TOP2A: variants seen among roughly 807,000 people sequenced by gnomAD.
TOP2A encodes the protein DNA topoisomerase 2-alpha.
TOP2A carries 68 observed loss-of-function variants against 187.2 expected under a neutral mutation model. That is an observed-to-expected ratio of 0.36 (90% CI 0.30 to 0.44). The LOEUF is 0.44. Ranked by LOEUF, TOP2A falls within the 20% of genes least tolerant of loss-of-function variation. The pLI is 1.00. For missense variants in TOP2A, 1,196 were observed against 1,808.7 expected (o/e 0.66, Z 6.14); for synonymous variants, 542 against 593.2 (o/e 0.91, Z 1.25).
At chr17:40,389,761 A>G (rs2034999762) in intron 34 of TOP2A, 114 bp from the exon 35 acceptor site, 1 of 1,392,624 alleles carries the variant, frequency 7.2e-7, no homozygotes, top group South Asian at 1.5e-5. Flanking sequence ...TCTACCAAGT[A>G]ATAAGAAGCA....
At chr17:40,393,334 G>GA (rs534582249) in intron 29 of TOP2A, among the ~76,000 whole-genome samples, 28 of 148,590 alleles carry the variant, frequency 1.9e-4, no homozygotes, top group Admixed American at 6.0e-4. Flanking sequence ...CTCAAAAAAA[G>GA]AAAAAAAAAG....
intron 20 of TOP2A, 106 bp downstream of exon 20, chr17:40,402,800 G>A (rs2035197707): frequency 3.2e-6 from 4 of 1,247,478 alleles, no homozygotes; most frequent in Non-Finnish European, 4.5e-6. Context: ...GCCACTAGAT[G>A]CCAGTATCTT....
In TOP2A at chr17:40,390,070, C is replaced by T. The variant is rs760115290; in HGVS notation, c.4362G>A (p.Lys1454=). 4.3e-6 allele frequency: 7 copies of T among 1,613,880 alleles called. No individual in the cohort carries two copies. Among genetic ancestry groups the T allele is most frequent in the Non-Finnish European group, 5.1e-6 (6 of 1,179,854 alleles). ...DPALNSGVSQ[K]PDPAKTKNRR... ...GATTCTTGGTTTTGGCAGGATCAGGCTTTTGAGAGACACCAGAATTCAAAG... is the reference window on the plus strand; with the variant it reads ...GATTCTTGGTTTTGGCAGGATCAGGTTTTTGAGAGACACCAGAATTCAAAG... Residue 1454 remains lysine, a synonymous_variant, in exon 34 of 35, where the codon AAG becomes AAA. Transcript: ENST00000423485.
chr17:40,396,529 C>T (rs2035102895), intron 27 of TOP2A, 64 bp from the exon 28 acceptor site: 2 of 1,557,924 alleles, frequency 1.3e-6, no homozygotes, highest in African/African-American at 2.7e-5. Context: ...ATCTAAACAC[C>T]CAACAGTTAA....
chr17:40,409,604 C>A (rs1327145398), intron 10 of TOP2A: 3 of 333,166 alleles, frequency 9.0e-6, no homozygotes, highest in Admixed American at 8.0e-5. Context: ...ATTAAAAATA[C>A]AAAAATTAGC....
intron 12 of TOP2A, 81 bp downstream of exon 12, chr17:40,407,886 C>G: frequency 7.2e-7 from 1 of 1,398,544 alleles, no homozygotes; most frequent in South Asian, 1.4e-5. Context: ...TTTTAAAATG[C>G]CTAATGAGGG....
Position 40,392,326 on chromosome 17 carries a change from G to A in TOP2A, c.3980C>T (p.Thr1327Ile). The A allele has an allele frequency of 6.3e-7, 1 of 1,589,906 alleles. No homozygotes were observed. The highest frequency in any genetic ancestry group is 1.1e-5 in the South Asian group (1 of 87,962). Residue 1327 changes from threonine to isoleucine, a missense_variant, in exon 31 of 35, where the codon ACA becomes ATA. By Grantham distance (89) the Thr-to-Ile change is moderately conservative (BLOSUM62 -1). Coordinates refer to ENST00000423485, the MANE Select transcript of TOP2A (RefSeq NM_001067.4). ...PRRAATKTKFTMDLDSDEDFS... is the reference protein window; with the variant it reads ...PRRAATKTKFIMDLDSDEDFS... ...ATCTTCATCTGAATCCAAATCCATT[G>A]TGAATTTTGTTTTTGCTAGTAAAAA...
In TOP2A at chr17:40,417,889, C is replaced by T. The variant is rs2035413426; in HGVS notation, c.-98G>A. 1.9e-6 allele frequency: 3 copies of T among 1,546,074 alleles called. No homozygotes were observed. The highest frequency in any genetic ancestry group is 1.4e-5 in the African/African-American group (1 of 73,552). Reference sequence around the variant, plus strand: ...ACCAAGCCGCTTCTCCACAGACGCGCGTCGGTTAGGAGAGCTCCACTTGAA... The same window carrying T: ...ACCAAGCCGCTTCTCCACAGACGCGTGTCGGTTAGGAGAGCTCCACTTGAA... On this transcript the variant is annotated 5_prime_UTR_variant, in exon 1 of 35. Transcript: ENST00000423485.
Position 40,395,387 on chromosome 17 carries a change from A to G in TOP2A, c.3811+62T>C, listed in dbSNP as rs1345289674. On this transcript the variant is annotated intron_variant, in intron 29 of 34. Coordinates refer to ENST00000423485, the MANE Select transcript of TOP2A (RefSeq NM_001067.4). The stretch of plus-strand genomic sequence containing the variant: ...GGTTTTGAACATCTATGTGGAATGT[A>G]CTAGGTAACAAACACAATTTAATCT... 12 of 1,068,786 alleles carry G rather than the reference A, an allele frequency of 1.1e-5. No individual in the cohort carries two copies. In the East Asian group the frequency reaches 3.1e-4, roughly 27 times the overall value. 66.2% of individuals were successfully genotyped at this position (1,068,786 alleles called of 1,614,324 possible). A position where few individuals can be genotyped will look rare whatever the true frequency, so the allele number is the denominator to read the frequency against.
chr17:40,396,943 C>T (rs1166626072), intron 27 of TOP2A, among the ~76,000 whole-genome samples: 1 of 148,346 alleles, frequency 6.7e-6, no homozygotes, highest in Non-Finnish European at 1.5e-5. Context: ...TACAATGGTA[C>T]ATGATCATAG....
chr17:40,413,704 T>C, intron 4 of TOP2A, 79 bp from the exon 5 acceptor site: 1 of 748,130 alleles, frequency 1.3e-6, no homozygotes, highest in Non-Finnish European at 2.0e-6. Flanking sequence ...TAAATACTAT[T>C]ATTTCTAAAA....
In TOP2A at chr17:40,390,044, C is replaced by T. The variant is rs748228210; in HGVS notation, c.4388G>A (p.Arg1463His). The T allele has an allele frequency of 2.5e-5, 40 of 1,613,734 alleles. No homozygotes were observed. The Admixed American group carries it at 2.7e-4, about 11-fold the overall frequency. ...AGAAGTGGATGGCTTCCTTTTGCGG[C>T]GATTCTTGGTTTTGGCAGGATCAGG... is the stretch of plus-strand genomic sequence containing the variant. ...QKPDPAKTKN[R>H]RKRKPSTSDD... The change falls in exon 34 of 35, where the codon CGC (arginine) becomes CAC (histidine). Residue 1463 changes from arginine (R) to histidine (H), a missense_variant. Arg to His is a conservative substitution (Grantham distance 29). Transcript: ENST00000423485.
At chr17:40,399,581 G>A (rs372447340) in intron 24 of TOP2A, among the ~76,000 whole-genome samples, 1 of 151,434 alleles carries the variant, frequency 6.6e-6, no homozygotes, top group East Asian at 1.9e-4. Flanking sequence ...GACATGATTA[G>A]TGTATCTATT....
intron 3 of TOP2A, 53 bp downstream of exon 3, chr17:40,416,369 G>T (rs1347399487): frequency 4.2e-6 from 5 of 1,179,156 alleles, no homozygotes; most frequent in African/African-American, 1.6e-5. Context: ...TATTTGGAAT[G>T]ATACTTCTTA....
intron 3 of TOP2A, 30 bp downstream of exon 3, chr17:40,416,392 C>T (rs2035390885): frequency 7.6e-7 from 1 of 1,323,132 alleles, no homozygotes; most frequent in Non-Finnish European, 1.1e-6. Context: ...AAAGATTTGA[C>T]CAGATCTTTA....
chr17:40,390,144 T>C lies in TOP2A; in HGVS notation c.4288A>G (p.Thr1430Ala). The C allele has an allele frequency of 6.2e-7, 1 of 1,612,660 alleles. No homozygotes were observed. The highest frequency in any genetic ancestry group is 1.7e-5 in the Admixed American group (1 of 59,638). The change falls in exon 34 of 35, where the codon ACC becomes GCC. Residue 1430 changes from threonine to alanine, a missense_variant. By Grantham distance (58) the Thr-to-Ala change is moderately conservative. Around this residue, in one of 10 missense-constraint regions of TOP2A, gnomAD observed 374 missense variants for 403.3 expected, o/e 0.93. Coordinates refer to ENST00000423485, the MANE Select transcript of TOP2A (RefSeq NM_001067.4). Reference sequence around the variant, plus strand: ...GGGGCAGCCCTTTTTTTGGCACCGGTAGTGGAGGTGGAAGACTGACCTGCA... The same window carrying C: ...GGGGCAGCCCTTTTTTTGGCACCGGCAGTGGAGGTGGAAGACTGACCTGCA... ...AAKSQSSTSTTGAKKRAAPKG... is the reference protein window; with the variant it reads ...AAKSQSSTSTAGAKKRAAPKG...
At chr17:40,391,319 C>T in intron 33 of TOP2A, 187 bp downstream of exon 33, 1 of 568,448 alleles carries the variant, frequency 1.8e-6, no homozygotes, top group Non-Finnish European at 3.0e-6. Flanking sequence ...ATAGAGATAA[C>T]TTACTGTTTT....
rs1487082935 is a variant in TOP2A at position 40,400,842 on chromosome 17, A to G, written c.2664+8T>C. ...AGTTAAGGCTCTTAACACACACAGA[A>G]TACTTACCATTGGCAAAGGTTCTTC... On this transcript the variant is annotated splice_region_variant and intron_variant, in intron 21 of 34. Transcript: ENST00000423485. The G allele has an allele frequency of 6.2e-7, 1 of 1,613,438 alleles. No homozygotes were observed. The highest frequency in any genetic ancestry group is 1.1e-5 in the South Asian group (1 of 91,074).
At position 40,406,962 on chromosome 17, in the gene TOP2A, A is replaced by C. The variant is rs2035254691; in HGVS notation, c.1627-20T>G. The C allele has an allele frequency of 6.5e-7, 1 of 1,546,352 alleles. No individual in the cohort carries two copies. The highest frequency in any genetic ancestry group is 1.4e-5 in the African/African-American group (1 of 73,594). ...TTGGTCCTAGAAAGATTTGAAAGCC[A>C]AAGTTCAAAAGAACTGTTAGGCTGG... is the stretch of plus-strand genomic sequence containing the variant. On this transcript the variant is annotated intron_variant, in intron 13 of 34. Coordinates refer to ENST00000423485, the MANE Select transcript of TOP2A (RefSeq NM_001067.4).
Sources: allele counts gnomAD v4.1 joint callset (sites outside exome capture counted in the v4.1 genomes callset), GRCh38; gene constraint gnomAD v4.1.1; regional missense constraint gnomAD v4.1.1; transcripts MANE v1.5; gene names NCBI Gene and HGNC (gene_info 2026-07-23, HGNC 2026-07-21).